Variants in CLC observed in about 807,000 individuals in gnomAD.
CLC encodes the protein Charcot-Leyden crystal galectin, also known as galectin-10.
Under a neutral mutation model 13.9 loss-of-function variants are expected in CLC, and 15 were observed. That is an observed-to-expected ratio of 1.08 (90% CI 0.72 to 1.66). CLC has a LOEUF of 1.66. Among genes scored for constraint, CLC ranks in the 40% most tolerant of loss-of-function variants. The pLI, the probability that CLC is intolerant of heterozygous loss-of-function variation, is 0.00. For synonymous variants in CLC, 68 were observed against 59.9 expected (o/e 1.14, Z -0.63); for missense variants, 161 against 169.1 (o/e 0.95, Z 0.27).
chr19:39,733,261 C>T (rs981622382), intron 3 of CLC, among the ~76,000 whole-genome samples: 1 of 152,112 alleles, frequency 6.6e-6, no homozygotes, highest in South Asian at 2.1e-4. Flanking sequence ...CATAGAAAAA[C>T]ACCTCTGACT....
intron 3 of CLC, 47 bp from the exon 4 acceptor site, chr19:39,731,552 A>T (rs1568499988): frequency 6.4e-7 from 1 of 1,563,074 alleles, no homozygotes; most frequent in Admixed American, 1.8e-5. Flanking sequence ...TTCACCAAAC[A>T]AGCTTTCAGC....
intron 3 of CLC, 60 bp from the exon 4 acceptor site, chr19:39,731,565 G>T: frequency 6.5e-7 from 1 of 1,538,972 alleles, no homozygotes; most frequent in Non-Finnish European, 8.8e-7. Flanking sequence ...CTTTCAGCCT[G>T]CTCTCTATGG....
At chr19:39,733,164 C>T (rs1181667022) in intron 3 of CLC, among the ~76,000 whole-genome samples, 1 of 151,284 alleles carries the variant, frequency 6.6e-6, no homozygotes, top group Non-Finnish European at 1.5e-5. Flanking sequence ...AGCCAAAAAA[C>T]ACATGAAAAA....
chr19:39,734,072 G>A, intron 3 of CLC: 1 of 985,240 alleles, frequency 1.0e-6, no homozygotes. Flanking sequence ...AATGAGAGAG[G>A]GAAATGATAA....
In CLC at chr19:39,734,384, C is replaced by A; in HGVS notation, c.202G>T (p.Glu68Ter). The A allele has an allele frequency of 6.2e-7, 1 of 1,614,104 alleles. No individual in the cohort carries two copies. The highest frequency in any genetic ancestry group is 8.5e-7 in the Non-Finnish European group (1 of 1,179,980). Residue 68 changes from glutamate to a stop codon, truncating the protein, a stop_gained, in exon 3 of 4, where the codon GAG becomes TAG. Transcript: ENST00000221804. LOFTEE classifies it high-confidence loss of function. Reference sequence around the variant, plus strand: ...ACCTGCTGCTTCCAGGCCCCATACTCACGGCTGTTCATGACCACACGACGA... The same window carrying A: ...ACCTGCTGCTTCCAGGCCCCATACTAACGGCTGTTCATGACCACACGACGA... Reference protein sequence around the residue: ...FGRRVVMNSREYGAWKQQVES... With the variant: ...FGRRVVMNSR
chr19:39,737,683 T>C (rs184283018), intron 1 of CLC, among the ~76,000 whole-genome samples: 12 of 152,140 alleles, frequency 7.9e-5, no homozygotes, highest in Admixed American at 2.6e-4. Context: ...AGTCACATCA[T>C]TTTTAGCAGA....
chr19:39,737,488 C>T (rs1967330399), intron 1 of CLC, among the ~76,000 whole-genome samples: 1 of 151,896 alleles, frequency 6.6e-6, no homozygotes, highest in African/African-American at 2.4e-5. Context: ...CACAGTCACA[C>T]AGAGCCGTGC....
chr19:39,731,969 G>A (rs1002019444), intron 3 of CLC, among the ~76,000 whole-genome samples: 11 of 152,140 alleles, frequency 7.2e-5, no homozygotes, highest in African/African-American at 1.4e-4. Flanking sequence ...AGCTAGTGGC[G>A]GCAAGGAATG....
chr19:39,732,121 T>G (rs2144915169), intron 3 of CLC, among the ~76,000 whole-genome samples: 1 of 145,908 alleles, frequency 6.9e-6, no homozygotes, highest in Admixed American at 6.7e-5. Context: ...AGGGTACATG[T>G]GCACATTGTG....
chr19:39,735,132 T>G, intron 1 of CLC, 59 bp from the exon 2 acceptor site: 2 of 1,204,288 alleles, frequency 1.7e-6, no homozygotes, highest in Non-Finnish European at 2.5e-6. Flanking sequence ...TCCCCTCCTG[T>G]AACAGATTCC....
intron 2 of CLC, 65 bp downstream of exon 2, chr19:39,734,932 G>T (rs2144918111): frequency 8.1e-7 from 1 of 1,239,084 alleles, no homozygotes; most frequent in South Asian, 1.2e-5. Context: ...CACACATGAG[G>T]TCACCCCCTT....
At chr19:39,736,455 T>C (rs444817) in intron 1 of CLC, among the ~76,000 whole-genome samples, 101,528 of 151,980 alleles carry the variant, frequency 0.67, 34,650 homozygotes, top group African/African-American at 0.76. Flanking sequence ...CACTGTCACC[T>C]AGGCTGGAAT....
chr19:39,735,569 G>A (rs1406756431), intron 1 of CLC, among the ~76,000 whole-genome samples: 2 of 152,142 alleles, frequency 1.3e-5, no homozygotes, highest in Admixed American at 6.5e-5. Flanking sequence ...TCTTGTCTCA[G>A]CCTCCCAAAC....
rs116817090 is a variant in CLC at position 39,734,579 on chromosome 19, G to A, written c.93-86C>T. The A allele has an allele frequency of 5.9e-4, 697 of 1,184,990 alleles. 2 individuals carry two copies. The African/African-American group carries it at 8.4e-3, about 14-fold the overall frequency. 73.4% of individuals were successfully genotyped at this position (1,184,990 alleles called of 1,614,324 possible). A position where few individuals can be genotyped will look rare whatever the true frequency, so the allele number is the denominator to read the frequency against. ...ACACACAAGTCTCTTTGCCCCTTCC[G>A]TGGTCGAGCAAAGACTTGTTGGTAT... On this transcript the variant is annotated intron_variant, in intron 2 of 3. Coordinates refer to ENST00000221804, the MANE Select transcript of CLC (RefSeq NM_001828.6).
At chr19:39,733,569 T>G (rs1392544976) in intron 3 of CLC, among the ~76,000 whole-genome samples, 1 of 152,202 alleles carries the variant, frequency 6.6e-6, no homozygotes, top group Non-Finnish European at 1.5e-5. Context: ...GTACAGCAAG[T>G]TGAGGAAATC....
At position 39,738,011 on chromosome 19, in the gene CLC, G is replaced by C. The variant is rs371502096; in HGVS notation, c.-59C>G. 1.4e-4 allele frequency: 219 copies of C among 1,565,948 alleles called. No individual in the cohort carries two copies. Among genetic ancestry groups the C allele is most frequent in the Non-Finnish European group, 1.9e-4 (214 of 1,142,262 alleles). On this transcript the variant is annotated 5_prime_UTR_variant, in exon 1 of 4. Coordinates refer to ENST00000221804, the MANE Select transcript of CLC (RefSeq NM_001828.6). ...TGTCCAGACTTCTGTGTGAATCTCT[G>C]AGCTGCAGAATTTAAATGGCCCCTA...
chr19:39,734,898 G>T (rs1967285732), intron 2 of CLC, 99 bp downstream of exon 2: 4 of 944,450 alleles, frequency 4.2e-6, no homozygotes, highest in Non-Finnish European at 6.7e-6. Flanking sequence ...CTTCCATCCT[G>T]CCAACTAGAC....
intron 1 of CLC, among the ~76,000 whole-genome samples, chr19:39,737,261 C>G (rs1334656402): frequency 6.6e-6 from 1 of 151,446 alleles, no homozygotes; most frequent in African/African-American, 2.4e-5. Context: ...GAAAAGGCAC[C>G]TGAGAATTCA....
At position 39,736,498 on chromosome 19, in the gene CLC, G is replaced by A. The variant is rs148256250; in HGVS notation, c.16-1425C>T. 2.7e-3 allele frequency among the ~76,000 whole-genome samples: 417 copies of A among 152,226 alleles called. 1 individual carries two copies. The highest frequency in any genetic ancestry group is 5.0e-3 in the Non-Finnish European group (338 of 68,016). On this transcript the variant is annotated intron_variant, in intron 1 of 3. Coordinates refer to ENST00000221804, the MANE Select transcript of CLC (RefSeq NM_001828.6). ...CACCATCAAAACTCACTGCAGGCTGGGCGTGGTGGCTCACGCCTGTAATCT... is the reference window on the plus strand; with the variant it reads ...CACCATCAAAACTCACTGCAGGCTGAGCGTGGTGGCTCACGCCTGTAATCT...
Sources: gnomAD v4.1 joint callset for allele counts (sites outside exome capture counted in the v4.1 genomes callset) on GRCh38, gnomAD v4.1.1 for gene constraint, MANE v1.5 for transcripts, NCBI Gene and HGNC (gene_info 2026-07-23, HGNC 2026-07-21) for gene names.